The following PUDP variants were observed in gnomAD, a reference collection of about 807,000 sequenced individuals.
PUDP encodes the protein pseudouridine-5'-phosphatase.
In PUDP, 8 loss-of-function variants were observed where a neutral mutation model predicts 9.4. That is an observed-to-expected ratio of 0.85 (90% CI 0.50 to 1.53). PUDP has a LOEUF of 1.53. Among genes scored for constraint, PUDP ranks in the 40% most tolerant of loss-of-function variants. The pLI is 0.00. For missense variants in PUDP, 188 were observed against 189.7 expected, an observed-to-expected ratio of 0.99 and a Z score of 0.05; for synonymous variants, 99 against 80.7, an observed-to-expected ratio of 1.23 and a Z score of -1.22.
rs1012104071 is a variant in PUDP, at chrX:6,711,390, C to T, written n.129-4924G>A. ...GCGCTCCTTCCTTCCGGGTGTGCTG[C>T]GAGACCCTCTCTGGAATGCGGGTCT... On this transcript the variant is annotated intron_variant and non_coding_transcript_variant, in intron 1 of 2. Transcript: ENST00000438499. 2.7e-5 allele frequency among the ~76,000 whole-genome samples: 3 copies of T among 111,316 alleles called. No homozygotes were observed. In the Admixed American group the frequency reaches 2.9e-4, roughly 11 times the overall value.
intron 1 of PUDP, among the ~76,000 whole-genome samples, chrX:7,125,880 C>A (rs1042739799): frequency 3.5e-4 from 39 of 110,608 alleles, no homozygotes; most frequent in Middle Eastern, 4.6e-3. Flanking sequence ...TTACCTCCCA[C>A]CAGGTCCCTC....
chrX:7,047,542 C>T (rs758288047), downstream of PUDP, among the ~76,000 whole-genome samples: 2 of 112,273 alleles, frequency 1.8e-5, no homozygotes, highest in Non-Finnish European at 3.8e-5. Flanking sequence ...ATAACGTGTA[C>T]TCCTCAGCCA....
intron 3 of PUDP, among the ~76,000 whole-genome samples, chrX:7,063,789 G>A (rs1023293554): frequency 1.8e-5 from 2 of 111,193 alleles, no homozygotes; most frequent in East Asian, 2.9e-4. Flanking sequence ...GGACTACCGG[G>A]AAGCACCACC....
At chrX:6,879,410 G>A (rs1602656862) in intron 3 of PUDP, among the ~76,000 whole-genome samples, 1 of 107,656 alleles carries the variant, frequency 9.3e-6, no homozygotes, top group African/African-American at 3.4e-5. Context: ...TGGTCTGGAA[G>A]TGAAGATGTA....
chrX:6,952,895 T>C (rs1363457109), intron 3 of PUDP, among the ~76,000 whole-genome samples: 1 of 111,834 alleles, frequency 8.9e-6, no homozygotes, highest in Non-Finnish European at 1.9e-5. Context: ...GTTTATAAAT[T>C]ACACAGTCTA....
intron 3 of PUDP, among the ~76,000 whole-genome samples, chrX:6,863,808 T>C (rs900524000): frequency 8.9e-6 from 1 of 112,076 alleles, no homozygotes; most frequent in African/African-American, 3.2e-5. Context: ...GTCTGGGTTG[T>C]AAACCAGAAT....
intron 3 of PUDP, among the ~76,000 whole-genome samples, chrX:6,745,337 A>G (rs1291948096): frequency 8.9e-6 from 1 of 112,398 alleles, no homozygotes; most frequent in African/African-American, 3.2e-5. Flanking sequence ...TTCATGCAGG[A>G]ATCTATGATT....
At chrX:6,713,678 G>A (rs965474492) in intron 1 of PUDP, among the ~76,000 whole-genome samples, 2 of 111,219 alleles carry the variant, frequency 1.8e-5, no homozygotes, top group African/African-American at 3.3e-5. Flanking sequence ...GCCACAGTGA[G>A]CATTTTTCTG....
At position 6,852,203 on chromosome X, in the gene PUDP, C is replaced by T. The variant is rs140551515; in HGVS notation, c.*247+124930G>A. Among the ~76,000 whole-genome samples, 1,018 of 112,346 alleles carry T rather than the reference C, an allele frequency of 9.1e-3. 6 individuals are homozygous for T. Among genetic ancestry groups the T allele is most frequent in the Non-Finnish European group, 0.015 (820 of 53,213 alleles). ...AGAGACACAGCATGGTCTCCACCCA[C>T]AAGTCCAGCTCTCCCTGCAAGACAT... On this transcript the variant is annotated intron_variant and NMD_transcript_variant, in intron 3 of 3. Transcript: ENST00000655425.
chrX:6,784,557 A>C (rs1031731914), intron 3 of PUDP, among the ~76,000 whole-genome samples: 7 of 111,806 alleles, frequency 6.3e-5, no homozygotes, highest in Non-Finnish European at 1.3e-4. Flanking sequence ...CCCAAGGTGC[A>C]GGAATTACCT....
chrX:6,992,795 G>A (rs762000847), intron 1 of PUDP, among the ~76,000 whole-genome samples: 1 of 111,786 alleles, frequency 8.9e-6, no homozygotes, highest in South Asian at 3.8e-4. Context: ...TAACATTTGA[G>A]TCAGTGAACT....
upstream of PUDP, among the ~76,000 whole-genome samples, chrX:6,724,129 C>T (rs1602599139): frequency 1.8e-5 from 2 of 111,323 alleles, no homozygotes; most frequent in Non-Finnish European, 1.9e-5. Flanking sequence ...TAAAATATAA[C>T]AATTCCAAAT....
At chrX:6,814,525 C>T (rs1291932520) in intron 3 of PUDP, among the ~76,000 whole-genome samples, 1 of 111,047 alleles carries the variant, frequency 9.0e-6, no homozygotes, top group Non-Finnish European at 1.9e-5. Flanking sequence ...AAACGTCCAC[C>T]TCCAAACTAA....
At chrX:6,920,459 C>T (rs1928005340) in intron 3 of PUDP, among the ~76,000 whole-genome samples, 1 of 111,473 alleles carries the variant, frequency 9.0e-6, no homozygotes, top group Non-Finnish European at 1.9e-5. Flanking sequence ...ATCTTGGGCC[C>T]CCAAAATCTC....
intron 3 of PUDP, among the ~76,000 whole-genome samples, chrX:6,779,702 G>A (rs1925525780): frequency 9.0e-6 from 1 of 111,508 alleles, no homozygotes; most frequent in African/African-American, 3.3e-5. Context: ...GGACCAAGCG[G>A]GTGGATCTCT....
chrX:6,810,486 C>T (rs1407486391), intron 3 of PUDP, among the ~76,000 whole-genome samples: 1 of 111,711 alleles, frequency 9.0e-6, no homozygotes, highest in East Asian at 2.8e-4. Flanking sequence ...ATTTCACTGA[C>T]ACAATTTTCC....
chrX:6,707,895 A>G (rs1453108171), intron 1 of PUDP, among the ~76,000 whole-genome samples: 4 of 111,632 alleles, frequency 3.6e-5, no homozygotes, highest in African/African-American at 1.3e-4. Flanking sequence ...TTCTTTTATA[A>G]CCTTGTAGCA....
chrX:6,984,559 C>T (rs1022884917), intron 1 of PUDP, among the ~76,000 whole-genome samples: 57 of 111,166 alleles, frequency 5.1e-4, no homozygotes, highest in African/African-American at 1.8e-3. Flanking sequence ...CCCTAAATTC[C>T]TATAAATTAG....
At position 6,949,865 on chromosome X, in the gene PUDP, T is replaced by C. The variant is rs1008047954; in HGVS notation, c.*247+27268A>G. Among the ~76,000 whole-genome samples the C allele has an allele frequency of 3.6e-5, 4 of 111,837 alleles. No homozygotes were observed. The Admixed American group carries it at 3.8e-4, about 11-fold the overall frequency. On this transcript the variant is annotated intron_variant and NMD_transcript_variant, in intron 3 of 3. Coordinates refer to the PUDP transcript ENST00000655425. ...CAGGGCTGGGATCTCATATCATCCA[T>C]CTGAAGGCTCCATTGGGGAAGAATC...
Sources: allele counts gnomAD v4.1 joint callset (sites outside exome capture counted in the v4.1 genomes callset), GRCh38; gene constraint gnomAD v4.1.1; transcripts MANE v1.5; gene names NCBI Gene and HGNC (gene_info 2026-07-23, HGNC 2026-07-21).